COL21A1: variants seen among roughly 807,000 people sequenced by gnomAD.
The protein encoded by COL21A1 is collagen type XXI alpha 1 chain, also known as collagen alpha-1(XXI) chain.
In COL21A1, 149 loss-of-function variants were observed where a neutral mutation model predicts 137.9. That is an observed-to-expected ratio of 1.08 (90% CI 0.95 to 1.24). The LOEUF (loss-of-function observed/expected upper bound fraction) is 1.24, where lower values mean the gene tolerates loss of function less well. Ranked by LOEUF, COL21A1 falls within the 50% of genes most tolerant of loss-of-function variation. COL21A1 has a pLI of 0.00. For synonymous variants in COL21A1, 456 were observed against 391.5 expected, an observed-to-expected ratio of 1.16 and a Z score of -1.95; for missense variants, 1,167 against 1,158.4, an observed-to-expected ratio of 1.01 and a Z score of -0.11.
chr6:56,190,877 C>T (rs1778626037), intron 1 of COL21A1, among the ~76,000 whole-genome samples: 1 of 152,108 alleles, frequency 6.6e-6, no homozygotes, highest in Non-Finnish European at 1.5e-5. Flanking sequence ...AGGCCTTCAA[C>T]AAAATTCAAC....
chr6:56,094,341 T>C (rs984269087), intron 17 of COL21A1, among the ~76,000 whole-genome samples: 16 of 152,178 alleles, frequency 1.1e-4, no homozygotes, highest in African/African-American at 3.9e-4. Context: ...TCCTCCTTTA[T>C]CAACAGTGTC....
At chr6:56,162,529 T>C in intron 9 of COL21A1, among the ~76,000 whole-genome samples, 1 of 152,268 alleles carries the variant, frequency 6.6e-6, no homozygotes, top group East Asian at 1.9e-4. Context: ...AGACATCTAT[T>C]GGACCACAAA....
chr6:56,285,761 C>G (rs949099960), intron 1 of COL21A1, among the ~76,000 whole-genome samples: 10 of 152,034 alleles, frequency 6.6e-5, no homozygotes, highest in Non-Finnish European at 1.5e-4. Context: ...TTAAAACCTT[C>G]CTCCAGGACC....
intron 1 of COL21A1, among the ~76,000 whole-genome samples, chr6:56,317,565 C>T (rs1764765965): frequency 6.6e-6 from 1 of 152,108 alleles, no homozygotes; most frequent in African/African-American, 2.4e-5. Flanking sequence ...CATTGACCAC[C>T]TTCCTCTCCT....
chr6:56,109,093 G>GTTATT (rs1249341397), intron 16 of COL21A1, among the ~76,000 whole-genome samples: 23 of 151,482 alleles, frequency 1.5e-4, no homozygotes, highest in Non-Finnish European at 3.1e-4. Flanking sequence ...AAAATATTCA[G>GTTATT]TTTAACTACT....
At chr6:56,332,338 T>C (rs1473753090) in intron 1 of COL21A1, among the ~76,000 whole-genome samples, 1 of 152,040 alleles carries the variant, frequency 6.6e-6, no homozygotes, top group Non-Finnish European at 1.5e-5. Context: ...GTAGTTCTCC[T>C]TGTTTTAGAA....
chr6:56,257,218 G>A (rs905314115), intron 1 of COL21A1, among the ~76,000 whole-genome samples: 11 of 152,250 alleles, frequency 7.2e-5, no homozygotes, highest in Middle Eastern at 3.4e-3. Flanking sequence ...TTAACACTTT[G>A]TTTTATTATT....
At chr6:56,255,749 C>T (rs1168643482) in intron 1 of COL21A1, among the ~76,000 whole-genome samples, 1 of 152,184 alleles carries the variant, frequency 6.6e-6, no homozygotes, top group Non-Finnish European at 1.5e-5. Flanking sequence ...TGGCTTCACC[C>T]TCAATGCTTC....
intron 17 of COL21A1, among the ~76,000 whole-genome samples, chr6:56,089,298 T>A (rs572990941): frequency 6.6e-6 from 1 of 152,190 alleles, no homozygotes. Context: ...CATCTTTACA[T>A]TTGTATACAT....
At chr6:56,302,599 G>A (rs906689008) in intron 1 of COL21A1, among the ~76,000 whole-genome samples, 1,775 of 152,168 alleles carry the variant, frequency 0.012, 37 homozygotes, top group African/African-American at 0.04. Context: ...TTGTAAATTT[G>A]TTAGAGTTCA....
chr6:56,058,205 A>G (rs1250508494), intron 29 of COL21A1, among the ~76,000 whole-genome samples: 4 of 152,166 alleles, frequency 2.6e-5, no homozygotes, highest in African/African-American at 4.8e-5. Context: ...AACAGGTGAT[A>G]CCTACGTAAG....
intron 1 of COL21A1, among the ~76,000 whole-genome samples, chr6:56,353,777 A>AAAACAAAAAGGAC (rs1405339061): frequency 2.6e-5 from 4 of 152,238 alleles, no homozygotes; most frequent in Admixed American, 2.6e-4. Context: ...AGGAAAAACA[A>AAAACAAAAAGGAC]AAACAAAAAG....
In COL21A1 at chr6:56,181,184, TG is replaced by T. The variant is rs567261319; in HGVS notation, c.89-1056del. 1.7e-4 allele frequency among the ~76,000 whole-genome samples: 26 copies of T among 152,286 alleles called. No individual in the cohort carries two copies. The South Asian group carries it at 5.0e-3, about 29-fold the overall frequency. ...TATTCCTAAAGTGTTCTACTGCAGG[TG>T]GTAGTATCCTCAGAAGGTGTAAGGG... is the stretch of plus-strand genomic sequence containing the variant. On this transcript the variant is annotated intron_variant, in intron 2 of 29. Coordinates refer to ENST00000244728, the MANE Select transcript of COL21A1 (RefSeq NM_030820.4).
At chr6:56,360,816 T>C (rs182157464) in intron 1 of COL21A1, among the ~76,000 whole-genome samples, 5 of 152,274 alleles carry the variant, frequency 3.3e-5, no homozygotes, top group Middle Eastern at 3.4e-3. Context: ...ATTAACCAAA[T>C]AGGCTGGGCG....
chr6:56,148,338 C>CAGAGACAGAGAGAGAG (rs1554145109), intron 10 of COL21A1, among the ~76,000 whole-genome samples: 1 of 133,176 alleles, frequency 7.5e-6, no homozygotes, highest in East Asian at 2.2e-4. Flanking sequence ...AGACAAGAGA[C>CAGAGACAGAGAGAGAG]AGAGAGAGAG....
At chr6:56,077,611 AT>A (rs1285979635) in intron 17 of COL21A1, 38 bp from the exon 18 acceptor site, 33 of 1,279,540 alleles carry the variant, frequency 2.6e-5, no homozygotes, top group Non-Finnish European at 3.4e-5. Context: ...CTTATAAAAA[AT>A]TGAAGACTTT....
chr6:56,060,680 A>G, intron 27 of COL21A1, 61 bp downstream of exon 27: 3 of 1,393,554 alleles, frequency 2.2e-6, no homozygotes, highest in Non-Finnish European at 3.0e-6. Context: ...ATATGTCCTA[A>G]GAATTTGTAT....
intron 1 of COL21A1, among the ~76,000 whole-genome samples, chr6:56,270,605 C>T (rs1486101224): frequency 6.6e-6 from 1 of 152,202 alleles, no homozygotes; most frequent in South Asian, 2.1e-4. Context: ...CCACCAGTCA[C>T]AGAATATACA....
At chr6:56,278,155 C>T (rs1425619603) in intron 1 of COL21A1, among the ~76,000 whole-genome samples, 2 of 152,076 alleles carry the variant, frequency 1.3e-5, no homozygotes, top group East Asian at 1.9e-4. Context: ...GTGCCAGAAA[C>T]GCTCATCTTT....
Sources: allele counts gnomAD v4.1 joint callset (sites outside exome capture counted in the v4.1 genomes callset), GRCh38; gene constraint gnomAD v4.1.1; transcripts MANE v1.5; gene names NCBI Gene and HGNC (gene_info 2026-07-23, HGNC 2026-07-21).